The following ELP4 variants were observed in gnomAD, a reference collection of about 807,000 sequenced individuals.
The protein encoded by ELP4 is elongator complex protein 4.
ELP4 carries 51 observed loss-of-function variants against 48.9 expected under a neutral mutation model. That is an observed-to-expected ratio of 1.04 (90% CI 0.83 to 1.32). The LOEUF is 1.32. Ranked by LOEUF, ELP4 falls within the 40% of genes most tolerant of loss-of-function variation. The pLI, the probability that ELP4 is intolerant of heterozygous loss-of-function variation, is 0.00. For synonymous variants in ELP4, 210 were observed against 189.2 expected, an observed-to-expected ratio of 1.11 and a Z score of -0.90; for missense variants, 519 against 514.6, an observed-to-expected ratio of 1.01 and a Z score of -0.08.
chr11:31,643,285 T>A lies in ELP4; in HGVS notation c.928-4456T>A, dbSNP rs184985568. Among the ~76,000 whole-genome samples the A allele has an allele frequency of 1.8e-4, 27 of 151,946 alleles. No homozygotes were observed. The East Asian group carries it at 5.1e-3, about 28-fold the overall frequency. On this transcript the variant is annotated intron_variant, in intron 7 of 9. Coordinates refer to ENST00000640961, the MANE Select transcript of ELP4 (RefSeq NM_019040.5). ...TCAAATGAGAGCTCTTCCTTTCATA[T>A]TATTTTTCCTATCTTTCTTAAATAG... is the stretch of plus-strand genomic sequence containing the variant.
intron 9 of ELP4, among the ~76,000 whole-genome samples, chr11:31,700,531 G>A (rs938649344): frequency 1.3e-5 from 2 of 152,016 alleles, no homozygotes; most frequent in Admixed American, 1.3e-4. Context: ...GAGAATAAAG[G>A]CTGTGGGTCT....
Position 31,668,675 on chromosome 11 carries a change from C to CGTGTGTGT in ELP4, c.1143+18493_1143+18500dup, listed in dbSNP as rs367795416. On this transcript the variant is annotated intron_variant, in intron 9 of 9. Coordinates refer to ENST00000640961, the MANE Select transcript of ELP4 (RefSeq NM_019040.5). ...ATCGGAATGAAATTTCCTTTGGTACCGTGTGTGTGTGTGTGTGTGTGTGTG... is the reference window on the plus strand; with the variant it reads ...ATCGGAATGAAATTTCCTTTGGTACCGTGTGTGTGTGTGTGTGTGTGTGTGTGTGTGTG... 3.4e-3 allele frequency among the ~76,000 whole-genome samples: 412 copies of CGTGTGTGT among 121,084 alleles called. 6 individuals carry two copies. Among genetic ancestry groups the CGTGTGTGT allele is most frequent in the African/African-American group, 0.011 (351 of 32,226 alleles). 79.4% of individuals were successfully genotyped at this position (121,084 alleles called of 152,430 possible). A position where few individuals can be genotyped will look rare whatever the true frequency, so the allele number is the denominator to read the frequency against.
intron 9 of ELP4, among the ~76,000 whole-genome samples, chr11:31,717,269 G>T (rs1214535450): frequency 6.6e-6 from 1 of 152,128 alleles, no homozygotes; most frequent in East Asian, 1.9e-4. Flanking sequence ...CATTTTCTTA[G>T]TTATAAATAT....
intron 6 of ELP4, among the ~76,000 whole-genome samples, chr11:31,631,656 A>G (rs1944863760): frequency 6.6e-6 from 1 of 152,124 alleles, no homozygotes; most frequent in Non-Finnish European, 1.5e-5. Flanking sequence ...TTCACCTGTT[A>G]AATTTTACGA....
At chr11:31,550,877 A>G (rs1956837830) in intron 3 of ELP4, among the ~76,000 whole-genome samples, 2 of 152,160 alleles carry the variant, frequency 1.3e-5, no homozygotes, top group Admixed American at 1.3e-4. Flanking sequence ...CCAAAAAGCT[A>G]TTGTCATGAC....
chr11:31,685,681 C>T (rs1946145132), intron 9 of ELP4, among the ~76,000 whole-genome samples: 1 of 151,878 alleles, frequency 6.6e-6, no homozygotes, highest in Non-Finnish European at 1.5e-5. Context: ...GCCTGTAATC[C>T]CAGCACTTTG....
chr11:31,546,865 C>A (rs1592103529), intron 3 of ELP4, among the ~76,000 whole-genome samples: 1 of 152,146 alleles, frequency 6.6e-6, no homozygotes, highest in African/African-American at 2.4e-5. Context: ...GGAAACTGAA[C>A]AACCTGCTCC....
At chr11:31,708,410 T>G (rs548061417) in intron 9 of ELP4, among the ~76,000 whole-genome samples, 2 of 152,314 alleles carry the variant, frequency 1.3e-5, no homozygotes, top group South Asian at 2.1e-4. Context: ...CTCTCAGTTA[T>G]CTACAAGTGT....
intron 9 of ELP4, among the ~76,000 whole-genome samples, chr11:31,696,923 G>A (rs10835809): frequency 0.091 from 13,877 of 152,054 alleles, 830 homozygotes; most frequent in East Asian, 0.18. Context: ...CTCATCTCAC[G>A]TGCAGAGACA....
chr11:31,552,423 T>C (rs1956867548), intron 3 of ELP4, among the ~76,000 whole-genome samples: 2 of 152,166 alleles, frequency 1.3e-5, no homozygotes. Flanking sequence ...CTCCCTACAG[T>C]ACATATTACT....
Position 31,509,806 on chromosome 11 carries a change from G to C in ELP4, c.22G>C (p.Gly8Arg), listed in dbSNP as rs766758202. 3.1e-6 allele frequency: 5 copies of C among 1,614,030 alleles called. No homozygotes were observed. The highest frequency in any genetic ancestry group is 1.7e-6 in the Non-Finnish European group (2 of 1,180,036). ...TAAGATGGCGGCAGTGGCAACCTGC[G>C]GTAGTGTTGCCGCGAGTACTGGGTC... MAAVATC[G>R]SVAASTGSAV... The change falls in exon 1 of 10, where the codon GGT (glycine) becomes CGT (arginine). Residue 8 changes from glycine to arginine, a missense_variant. Transcript: ENST00000640961.
intron 4 of ELP4, among the ~76,000 whole-genome samples, chr11:31,603,110 A>G: frequency 6.6e-6 from 1 of 151,950 alleles, no homozygotes; most frequent in African/African-American, 2.4e-5. Flanking sequence ...AAGAGGAATT[A>G]TCAATGAACC....
At chr11:31,678,875 C>T (rs1945995873) in intron 9 of ELP4, among the ~76,000 whole-genome samples, 2 of 152,152 alleles carry the variant, frequency 1.3e-5, no homozygotes, top group Admixed American at 1.3e-4. Context: ...TTCCCACCAG[C>T]AATGAATGAG....
intron 5 of ELP4, among the ~76,000 whole-genome samples, chr11:31,622,536 A>G (rs1179696074): frequency 6.6e-6 from 1 of 151,662 alleles, no homozygotes; most frequent in African/African-American, 2.4e-5. Context: ...ATAATACTAC[A>G]TCTGATTCTT....
chr11:31,584,548 GAGACAC>G (rs1957443062), intron 3 of ELP4, among the ~76,000 whole-genome samples: 2 of 151,890 alleles, frequency 1.3e-5, no homozygotes, highest in African/African-American at 4.8e-5. Flanking sequence ...TTTTGTTTTT[GAGACAC>G]TTTTGCTTTT....
At position 31,678,723 on chromosome 11, in the gene ELP4, C is replaced by T. The variant is rs115086550; in HGVS notation, c.1143+28502C>T. On this transcript the variant is annotated intron_variant, in intron 9 of 9. Coordinates refer to ENST00000640961, the MANE Select transcript of ELP4 (RefSeq NM_019040.5). ...GAAGAAAGCTACTGGTATAAACATC[C>T]GTGTGCAGGTTTTTATGTGGACATA... Among the ~76,000 whole-genome samples the T allele has an allele frequency of 5.7e-3, 867 of 152,100 alleles. 9 individuals carry two copies. Among genetic ancestry groups the T allele is most frequent in the African/African-American group, 0.02 (819 of 41,500 alleles).
intron 9 of ELP4, among the ~76,000 whole-genome samples, chr11:31,711,822 A>G (rs1026474553): frequency 4.6e-5 from 7 of 152,138 alleles, no homozygotes; most frequent in Non-Finnish European, 7.3e-5. Context: ...TAATGAATTA[A>G]ATCATAAACC....
At chr11:31,576,288 A>G (rs905350205) in intron 3 of ELP4, among the ~76,000 whole-genome samples, 1 of 152,224 alleles carries the variant, frequency 6.6e-6, no homozygotes, top group Non-Finnish European at 1.5e-5. Flanking sequence ...CAGATTCATA[A>G]AGCAAGTCCT....
intron 9 of ELP4, among the ~76,000 whole-genome samples, chr11:31,766,611 A>C (rs988812152): frequency 2.0e-5 from 3 of 152,228 alleles, no homozygotes; most frequent in South Asian, 4.1e-4. Context: ...ATAAATTGTA[A>C]GATATTTAAG....
Sources: allele counts gnomAD v4.1 joint callset (sites outside exome capture counted in the v4.1 genomes callset), GRCh38; gene constraint gnomAD v4.1.1; transcripts MANE v1.5; gene names NCBI Gene and HGNC (gene_info 2026-07-23, HGNC 2026-07-21).